Variants in TBCA observed in about 807,000 individuals in gnomAD.
TBCA encodes the protein tubulin-specific chaperone A.
TBCA carries 6 observed loss-of-function variants against 15.8 expected under a neutral mutation model. The observed-to-expected ratio is 0.38, with a 90% CI of 0.21 to 0.75. The LOEUF (loss-of-function observed/expected upper bound fraction) is 0.75. Ranked by LOEUF, TBCA falls within the 30% of genes least tolerant of loss-of-function variation. TBCA has a pLI of 0.46. For synonymous variants in TBCA, 32 were observed against 42.3 expected (o/e 0.76, Z 0.94); for missense variants, 90 against 131.2 (o/e 0.69, Z 1.53).
At chr5:77,767,878 A>T (rs1280589019) in intron 1 of TBCA, among the ~76,000 whole-genome samples, 1 of 152,232 alleles carries the variant, frequency 6.6e-6, no homozygotes, top group Non-Finnish European at 1.5e-5. Flanking sequence ...CAAAATTCAC[A>T]CTGAAACTTT....
intron 1 of TBCA, among the ~76,000 whole-genome samples, chr5:77,750,858 C>A (rs766326814): frequency 7.2e-5 from 11 of 152,112 alleles, no homozygotes; most frequent in Non-Finnish European, 1.2e-4. Flanking sequence ...TTGGTTTGAT[C>A]TGGAAGGGTG....
chr5:77,768,164 T>A (rs1296722761), intron 1 of TBCA, among the ~76,000 whole-genome samples: 1 of 152,164 alleles, frequency 6.6e-6, no homozygotes, highest in East Asian at 1.9e-4. Context: ...AATTGCCCAG[T>A]CTCAGGTATT....
intron 1 of TBCA, among the ~76,000 whole-genome samples, chr5:77,733,897 T>C (rs1382965839): frequency 6.6e-6 from 1 of 152,172 alleles, no homozygotes; most frequent in East Asian, 1.9e-4. Flanking sequence ...AGAGGCTGAC[T>C]CTCTTGCTAG....
At chr5:77,766,040 C>A (rs1472712551) in intron 1 of TBCA, among the ~76,000 whole-genome samples, 2 of 152,118 alleles carry the variant, frequency 1.3e-5, no homozygotes, top group African/African-American at 4.8e-5. Flanking sequence ...GCACTGGGAC[C>A]AAACCTTTGC....
At chr5:77,734,472 G>A (rs1386049800) in intron 1 of TBCA, among the ~76,000 whole-genome samples, 1 of 152,160 alleles carries the variant, frequency 6.6e-6, no homozygotes. Context: ...AGATAACTTT[G>A]AGGGATTCAG....
At chr5:77,712,009 A>C (rs114113134) in intron 1 of TBCA, among the ~76,000 whole-genome samples, 1,566 of 152,260 alleles carry the variant, frequency 0.01, 30 homozygotes, top group African/African-American at 0.035. Flanking sequence ...AGAACCCAAT[A>C]ATGCAAGCAT....
intron 1 of TBCA, among the ~76,000 whole-genome samples, chr5:77,713,856 T>C (rs767399368): frequency 4.6e-5 from 7 of 151,900 alleles, no homozygotes; most frequent in African/African-American, 7.2e-5. Flanking sequence ...AGGTTCATTA[T>C]ATAACCCACA....
At chr5:77,767,936 T>A (rs984887422) in intron 1 of TBCA, among the ~76,000 whole-genome samples, 3 of 152,196 alleles carry the variant, frequency 2.0e-5, no homozygotes, top group Non-Finnish European at 2.9e-5. Flanking sequence ...GGTGATTAGG[T>A]AATGAGGTCT....
At chr5:77,774,377 C>A (rs530357411) in intron 1 of TBCA, among the ~76,000 whole-genome samples, 1 of 152,286 alleles carries the variant, frequency 6.6e-6, no homozygotes, top group African/African-American at 2.4e-5. Context: ...AACTAGGAGT[C>A]TGGGACCTTT....
At chr5:77,771,153 C>T (rs1747901652) in intron 1 of TBCA, among the ~76,000 whole-genome samples, 2 of 151,696 alleles carry the variant, frequency 1.3e-5, no homozygotes, top group Admixed American at 6.6e-5. Flanking sequence ...ATATAATAAC[C>T]CATCTAGCCT....
chr5:77,757,485 T>C (rs1380098797), intron 1 of TBCA, among the ~76,000 whole-genome samples: 1 of 152,150 alleles, frequency 6.6e-6, no homozygotes, highest in African/African-American at 2.4e-5. Flanking sequence ...GCAAGTAAAA[T>C]TCCAGAAAAG....
chr5:77,719,275 A>G (rs576398458), intron 1 of TBCA, among the ~76,000 whole-genome samples: 1 of 152,334 alleles, frequency 6.6e-6, no homozygotes, highest in South Asian at 2.1e-4. Context: ...TCTACAGAAA[A>G]TACAATCGTA....
intron 1 of TBCA, among the ~76,000 whole-genome samples, chr5:77,751,870 T>C (rs529451871): frequency 3.3e-5 from 5 of 152,076 alleles, no homozygotes; most frequent in African/African-American, 7.2e-5. Context: ...GGAGTGCTGA[T>C]TGGTTAGAGA....
rs530720986 is a variant in TBCA, at chr5:77,722,538, T to TCC, written c.54-14193_54-14192dup. Reference sequence around the variant, plus strand: ...CAAAGTGTATTTGGAAGTACACTCTTCCCCTCTTAAAGGTTTCACATAATC... The same window carrying TCC: ...CAAAGTGTATTTGGAAGTACACTCTTCCCCCCTCTTAAAGGTTTCACATAATC... On this transcript the variant is annotated intron_variant, in intron 1 of 3. Coordinates refer to ENST00000380377, the MANE Select transcript of TBCA (RefSeq NM_004607.3). Among the ~76,000 whole-genome samples, 64 of 152,114 alleles carry TCC rather than the reference T, an allele frequency of 4.2e-4. 2 individuals carry two copies. The East Asian group carries it at 0.012, about 29-fold the overall frequency.
chr5:77,710,217 A>C (rs546610471), intron 1 of TBCA, among the ~76,000 whole-genome samples: 3 of 152,358 alleles, frequency 2.0e-5, no homozygotes, highest in African/African-American at 7.2e-5. Flanking sequence ...TGTGACCACA[A>C]AGTCAGCTTC....
At chr5:77,740,789 A>G (rs1167561197) in intron 1 of TBCA, among the ~76,000 whole-genome samples, 1 of 151,658 alleles carries the variant, frequency 6.6e-6, no homozygotes, top group African/African-American at 2.4e-5. Context: ...AAAAAGGGAA[A>G]AAAGCCCCAG....
intron 2 of TBCA, among the ~76,000 whole-genome samples, chr5:77,695,382 T>C (rs1745849306): frequency 6.6e-6 from 1 of 152,070 alleles, no homozygotes; most frequent in Non-Finnish European, 1.5e-5. Flanking sequence ...GATACAAAGA[T>C]GAAAAAGAAA....
At chr5:77,695,413 CG>C (rs1483174373) in intron 2 of TBCA, among the ~76,000 whole-genome samples, 2 of 152,132 alleles carry the variant, frequency 1.3e-5, no homozygotes, top group East Asian at 3.9e-4. Context: ...CCTCCAAATC[CG>C]TAAGTCTAGG....
chr5:77,697,940 G>C (rs1234511491), intron 2 of TBCA, among the ~76,000 whole-genome samples: 1 of 149,372 alleles, frequency 6.7e-6, no homozygotes, highest in Non-Finnish European at 1.5e-5. Context: ...GACCAGCCTG[G>C]GCAACAGGCA....
Sources: allele counts gnomAD v4.1 joint callset (sites outside exome capture counted in the v4.1 genomes callset), GRCh38; gene constraint gnomAD v4.1.1; transcripts MANE v1.5; gene names NCBI Gene and HGNC (gene_info 2026-07-23, HGNC 2026-07-21).